Variants in NBAS observed in about 807,000 individuals in gnomAD.
NBAS encodes the protein NBAS subunit of NRZ tethering complex.
In NBAS, 219 loss-of-function variants were observed where a neutral mutation model predicts 302.5. That is an observed-to-expected ratio of 0.72 (90% CI 0.65 to 0.81). NBAS has a LOEUF of 0.81. NBAS is among the 30% of genes least tolerant of loss of function. NBAS has a pLI of 0.00. For missense variants in NBAS, 2,932 were observed against 2,841.6 expected (o/e 1.03, Z -0.72); for synonymous variants, 1,118 against 1,021.6 (o/e 1.09, Z -1.80).
intron 38 of NBAS, among the ~76,000 whole-genome samples, chr2:15,314,695 G>T (rs1255688699): frequency 6.6e-6 from 1 of 152,126 alleles, no homozygotes; most frequent in Non-Finnish European, 1.5e-5. Context: ...TAAGAGAAAT[G>T]AAAACACATG....
At chr2:15,060,826 T>G in the NBAS span, among the ~76,000 whole-genome samples, 2 of 152,150 alleles carry the variant, frequency 1.3e-5, no homozygotes, top group Admixed American at 1.3e-4. Flanking sequence ...ATGATGGACA[T>G]AGCCTTAATC....
the NBAS span, among the ~76,000 whole-genome samples, chr2:14,883,137 G>T: frequency 6.6e-6 from 1 of 152,160 alleles, no homozygotes; most frequent in Non-Finnish European, 1.5e-5. Context: ...TCTATTGAAA[G>T]ACATGGTAAT....
At chr2:15,040,363 C>A in the NBAS span, among the ~76,000 whole-genome samples, 6 of 152,174 alleles carry the variant, frequency 3.9e-5, no homozygotes, top group South Asian at 1.2e-3. Context: ...GTAGGGATCT[C>A]TGATTACCGC....
At chr2:14,831,545 T>G in the NBAS span, among the ~76,000 whole-genome samples, 1 of 152,188 alleles carries the variant, frequency 6.6e-6, no homozygotes, top group Non-Finnish European at 1.5e-5. Context: ...CAATTTTTCT[T>G]TGCCTCAGAT....
the NBAS span, among the ~76,000 whole-genome samples, chr2:15,032,480 T>G: frequency 6.6e-6 from 1 of 152,200 alleles, no homozygotes; most frequent in Non-Finnish European, 1.5e-5. Context: ...TGAAATTAGA[T>G]AGTTGGTTGA....
the NBAS span, among the ~76,000 whole-genome samples, chr2:14,869,883 A>C: frequency 6.6e-6 from 1 of 152,322 alleles, no homozygotes; most frequent in South Asian, 2.1e-4. Flanking sequence ...CAGGATGCTA[A>C]TTCCTTTCCT....
chr2:15,196,062 A>G (rs758097470), intron 48 of NBAS, among the ~76,000 whole-genome samples: 1 of 152,126 alleles, frequency 6.6e-6, no homozygotes, highest in Non-Finnish European at 1.5e-5. Flanking sequence ...CCTTCTTCCA[A>G]ATGTACTTTC....
intron 6 of NBAS, among the ~76,000 whole-genome samples, chr2:15,546,683 G>C (rs2148702527): frequency 6.6e-6 from 1 of 152,274 alleles, no homozygotes; most frequent in Middle Eastern, 3.4e-3. Context: ...AGCCTAGATG[G>C]CGCCACTGCA....
intron 35 of NBAS, among the ~76,000 whole-genome samples, chr2:15,337,231 G>A (rs1264102487): frequency 3.9e-5 from 6 of 152,046 alleles, no homozygotes; most frequent in African/African-American, 1.4e-4. Flanking sequence ...TGATGAGGGA[G>A]GACCACTTAA....
the NBAS span, among the ~76,000 whole-genome samples, chr2:15,061,999 C>T: frequency 1.3e-5 from 2 of 152,216 alleles, no homozygotes; most frequent in South Asian, 2.1e-4. Flanking sequence ...GATGTGCAGC[C>T]GAGACCCCAA....
chr2:15,554,851 G>C (rs994426348), intron 3 of NBAS, among the ~76,000 whole-genome samples: 2 of 151,926 alleles, frequency 1.3e-5, no homozygotes, highest in African/African-American at 4.8e-5. Context: ...CTATATGTAA[G>C]ATCAGATTAC....
intron 26 of NBAS, chr2:15,397,430 G>C: frequency 2.4e-6 from 1 of 416,692 alleles, no homozygotes; most frequent in Non-Finnish European, 4.4e-6. Flanking sequence ...TAAGGACTTA[G>C]CTCCTTACAT....
chr2:15,539,383 T>A (rs371610884), intron 6 of NBAS, 27 bp from the exon 7 acceptor site: 1 of 1,613,770 alleles, frequency 6.2e-7, no homozygotes, highest in Admixed American at 1.7e-5. Context: ...CAAGAGGTGC[T>A]TCTAACAATA....
At chr2:15,550,024 C>G (rs140421644) in intron 6 of NBAS, among the ~76,000 whole-genome samples, 2 of 152,010 alleles carry the variant, frequency 1.3e-5, no homozygotes, top group African/African-American at 2.4e-5. Context: ...GTTAGCCAGG[C>G]ATGCTGGTGC....
intron 41 of NBAS, among the ~76,000 whole-genome samples, chr2:15,290,503 T>C (rs956006448): frequency 1.1e-4 from 16 of 152,224 alleles, no homozygotes; most frequent in Admixed American, 2.0e-4. Context: ...ACTGATGATA[T>C]AAGGCACGCC....
At chr2:15,417,390 C>G in intron 24 of NBAS, 137 bp downstream of exon 24, 1 of 756,000 alleles carries the variant, frequency 1.3e-6, no homozygotes, top group East Asian at 2.7e-5. Context: ...TAATATTTTA[C>G]TGTGAAAAAA....
At chr2:14,944,765 A>G in the NBAS span, among the ~76,000 whole-genome samples, 4 of 152,254 alleles carry the variant, frequency 2.6e-5, no homozygotes, top group Non-Finnish European at 4.4e-5. Context: ...ACAGATGGTA[A>G]GAGAATCAGG....
intron 38 of NBAS, among the ~76,000 whole-genome samples, chr2:15,320,798 T>G (rs751509750): frequency 6.6e-6 from 1 of 152,050 alleles, no homozygotes; most frequent in Non-Finnish European, 1.5e-5. Flanking sequence ...AAAATCAATA[T>G]AGTGAAAATG....
At chr2:14,847,489 T>A in the NBAS span, among the ~76,000 whole-genome samples, 1 of 149,890 alleles carries the variant, frequency 6.7e-6, no homozygotes. Context: ...TGCCTATACT[T>A]ATGTCAACAA....
Sources: allele counts gnomAD v4.1 joint callset (sites outside exome capture counted in the v4.1 genomes callset), GRCh38; gene constraint gnomAD v4.1.1; transcripts MANE v1.5; gene names NCBI Gene and HGNC (gene_info 2026-07-23, HGNC 2026-07-21).